UBE2K: variants seen among roughly 807,000 people sequenced by gnomAD.
UBE2K encodes ubiquitin conjugating enzyme E2 K, also known as ubiquitin-conjugating enzyme E2 K.
UBE2K carries 6 observed loss-of-function variants against 30.0 expected under a neutral mutation model. The observed-to-expected ratio is 0.20, with a 90% confidence interval of 0.11 to 0.39. The LOEUF is 0.39. UBE2K is among the 10% of genes least tolerant of loss of function. The pLI, the probability that UBE2K is intolerant of heterozygous loss-of-function variation, is 1.00. For synonymous variants in UBE2K, 86 were observed against 83.7 expected (o/e 1.03, Z -0.15); for missense variants, 61 against 241.6 (o/e 0.25, Z 4.96).
intron 4 of UBE2K, chr4:39,770,533 C>G: frequency 6.2e-7 from 1 of 1,601,018 alleles, no homozygotes. Context: ...GCCCCCCGGG[C>G]AACCATGGCC....
At chr4:39,736,625 A>G (rs1486667148) in intron 1 of UBE2K, among the ~76,000 whole-genome samples, 1 of 152,218 alleles carries the variant, frequency 6.6e-6, no homozygotes, top group African/African-American at 2.4e-5. Context: ...TTTCTGAATC[A>G]TTTAAGGTTA....
intron 1 of UBE2K, 79 bp downstream of exon 1, chr4:39,698,469 G>A: frequency 2.9e-6 from 4 of 1,367,346 alleles, no homozygotes; most frequent in Non-Finnish European, 4.1e-6. Context: ...CGATATCCCC[G>A]GTAGTCCCTG....
intron 1 of UBE2K, among the ~76,000 whole-genome samples, chr4:39,726,555 G>GTTTTGTCTGTCAGATTAGT (rs11406192): frequency 6.6e-6 from 1 of 152,054 alleles, no homozygotes; most frequent in Non-Finnish European, 1.5e-5. Flanking sequence ...CATGTGGCTA[G>GTTTTGTCTGTCAGATTAGT]TTTGTCTGTC....
chr4:39,770,203 A>T (rs1578503697), intron 4 of UBE2K: 1 of 1,610,878 alleles, frequency 6.2e-7, no homozygotes, highest in East Asian at 2.2e-5. Context: ...CGCATGTCGC[A>T]GTAGGAGCAG....
intron 4 of UBE2K, among the ~76,000 whole-genome samples, chr4:39,765,440 C>T (rs1712257948): frequency 6.6e-6 from 1 of 152,018 alleles, no homozygotes; most frequent in Non-Finnish European, 1.5e-5. Context: ...TGGAGGATCG[C>T]TTAAGCTCAG....
rs144605524 is a variant in UBE2K, at chr4:39,777,823, G to A, written c.528+13G>A. Reference sequence around the variant, plus strand: ...GGGCTTTGATAGGGTAAGTACATAAGGGCATGTTGATTTTGATATATTGAT... The same window carrying A: ...GGGCTTTGATAGGGTAAGTACATAAAGGCATGTTGATTTTGATATATTGAT... On this transcript the variant is annotated intron_variant, in intron 6 of 6. Coordinates refer to ENST00000261427, the MANE Select transcript of UBE2K (RefSeq NM_005339.5). 470 of 1,404,448 alleles carry A rather than the reference G, an allele frequency of 3.3e-4. 1 individual carries two copies. The highest frequency in any genetic ancestry group is 4.1e-4 in the Non-Finnish European group (439 of 1,074,120). 87.0% of individuals were successfully genotyped at this position (1,404,448 alleles called of 1,614,324 possible).
At chr4:39,766,664 G>GC (rs1712360665) in intron 4 of UBE2K, among the ~76,000 whole-genome samples, 2 of 152,136 alleles carry the variant, frequency 1.3e-5, no homozygotes, top group Non-Finnish European at 2.9e-5. Context: ...TCCCACCTCA[G>GC]CCTCCCAAGT....
rs770407410 is a variant in UBE2K at position 39,736,462 on chromosome 4, CA to C, written c.64-951del. ...GGGCAGCAAGAGCAAGACTCCGTCT[CA>C]AAAAAAGGAAGATGTAACCTGTTCT... On this transcript the variant is annotated intron_variant, in intron 1 of 6. Transcript: ENST00000261427. Among the ~76,000 whole-genome samples, 19 of 151,842 alleles carry C rather than the reference CA, an allele frequency of 1.3e-4. No homozygotes were observed. The South Asian group carries it at 2.9e-3, about 23-fold the overall frequency.
At chr4:39,714,552 T>TATA (rs1560343937) in intron 1 of UBE2K, 29 of 57,972 alleles carry the variant, frequency 5.0e-4, no homozygotes, top group African/African-American at 2.9e-3. Flanking sequence ...ATATATATAT[T>TATA]TTTTTTTTTT....
At chr4:39,744,915 A>T (rs1720905266) in intron 2 of UBE2K, among the ~76,000 whole-genome samples, 1 of 150,774 alleles carries the variant, frequency 6.6e-6, no homozygotes, top group African/African-American at 2.4e-5. Flanking sequence ...TCAAAAAAAA[A>T]AAAAATAAAT....
At chr4:39,711,598 T>A (rs1718687151) in intron 1 of UBE2K, among the ~76,000 whole-genome samples, 1 of 152,068 alleles carries the variant, frequency 6.6e-6, no homozygotes, top group Non-Finnish European at 1.5e-5. Flanking sequence ...TAAAAGGATG[T>A]ACTGGACATT....
chr4:39,715,452 G>A (rs1719007824), intron 1 of UBE2K, among the ~76,000 whole-genome samples: 1 of 152,000 alleles, frequency 6.6e-6, no homozygotes, highest in African/African-American at 2.4e-5. Flanking sequence ...GATTATAGGT[G>A]TGGGCCACCA....
rs1354761879 is a variant in UBE2K at position 39,757,011 on chromosome 4, G to GTTTTTTTTT, written c.299+1278_299+1279insTTTTTTTTT. The stretch of plus-strand genomic sequence containing the variant: ...ATGTTTTTTTGGGTGTTTTTTTTTT[G>GTTTTTTTTT]TTTTTTGTTTTTTGTTTTTTGTTTT... On this transcript the variant is annotated intron_variant, in intron 4 of 6. Coordinates refer to ENST00000261427, the MANE Select transcript of UBE2K (RefSeq NM_005339.5). Among the ~76,000 whole-genome samples the GTTTTTTTTT allele has an allele frequency of 4.2e-4, 32 of 76,822 alleles. 1 individual carries two copies. Among genetic ancestry groups the GTTTTTTTTT allele is most frequent in the South Asian group, 9.0e-4 (2 of 2,234 alleles). The allele number at this position is 76,822 out of a possible 152,430, so 50.4% of individuals were successfully genotyped here.
chr4:39,765,602 C>T (rs71606195), intron 4 of UBE2K, among the ~76,000 whole-genome samples: 7,777 of 152,084 alleles, frequency 0.051, 275 homozygotes, highest in East Asian at 0.13. Context: ...GATGGATCAC[C>T]TGAGGTCAGG....
At chr4:39,755,317 T>C (rs1721471386) in intron 3 of UBE2K, among the ~76,000 whole-genome samples, 1 of 152,248 alleles carries the variant, frequency 6.6e-6, no homozygotes, top group African/African-American at 2.4e-5. Flanking sequence ...TATTTATGTT[T>C]TTATTTTATG....
intron 2 of UBE2K, among the ~76,000 whole-genome samples, chr4:39,742,509 G>A (rs1204299484): frequency 2.0e-5 from 3 of 152,062 alleles, no homozygotes; most frequent in African/African-American, 4.8e-5. Context: ...GGCTGAGGCG[G>A]GTAGATTATT....
At chr4:39,718,648 G>A (rs997246304) in intron 1 of UBE2K, among the ~76,000 whole-genome samples, 19 of 152,258 alleles carry the variant, frequency 1.2e-4, no homozygotes, top group Non-Finnish European at 2.4e-4. Flanking sequence ...CCTGCCCCGT[G>A]GGGAGGCAGC....
In UBE2K at chr4:39,739,866, G is replaced by A. The variant is rs1005649018; in HGVS notation, c.157+2353G>A. On this transcript the variant is annotated intron_variant, in intron 2 of 6. Coordinates refer to ENST00000261427, the MANE Select transcript of UBE2K (RefSeq NM_005339.5). ...GGTGTCCCAAAGTCTTGGGATTCTA[G>A]GCATGAGCCATTGTGCCCAACCTTG... Among the ~76,000 whole-genome samples the A allele has an allele frequency of 1.6e-4, 24 of 152,286 alleles. 1 individual carries two copies. Among genetic ancestry groups the A allele is most frequent in the African/African-American group, 5.8e-4 (24 of 41,558 alleles).
intron 4 of UBE2K, among the ~76,000 whole-genome samples, chr4:39,773,167 T>G (rs371624148): frequency 7.1e-4 from 108 of 152,264 alleles, no homozygotes; most frequent in Middle Eastern, 3.4e-3. Context: ...ATGGAATGAT[T>G]TCATATTTTC....
Sources: gnomAD v4.1 joint callset for allele counts (sites outside exome capture counted in the v4.1 genomes callset) on GRCh38, gnomAD v4.1.1 for gene constraint, MANE v1.5 for transcripts, NCBI Gene and HGNC (gene_info 2026-07-23, HGNC 2026-07-21) for gene names.